Variants in ZNF599 observed in about 807,000 individuals in gnomAD.
ZNF599 encodes the protein zinc finger protein 599.
A neutral mutation model predicts 11.7 loss-of-function variants in ZNF599; 10 were observed. The ratio of observed to expected loss-of-function variants is 0.86; its 90% CI spans 0.53 to 1.45. ZNF599 has a LOEUF of 1.45. Ranked by LOEUF, ZNF599 falls within the 40% of genes most tolerant of loss-of-function variation. ZNF599 has a pLI of 0.00. For synonymous variants in ZNF599, 232 were observed against 253.2 expected, an observed-to-expected ratio of 0.92 and a Z score of 0.79; for missense variants, 688 against 713.6, an observed-to-expected ratio of 0.96 and a Z score of 0.41.
intron 1 of ZNF599, chr19:34,772,488 C>T (rs1015432323): frequency 1.7e-6 from 2 of 1,201,698 alleles, no homozygotes; most frequent in Non-Finnish European, 2.1e-6. Flanking sequence ...AAGACAGGAC[C>T]CACGTCACAA....
At chr19:34,768,007 C>T (rs911464718) in intron 2 of ZNF599, among the ~76,000 whole-genome samples, 9 of 152,146 alleles carry the variant, frequency 5.9e-5, no homozygotes, top group African/African-American at 1.9e-4. Context: ...ACACATTTTG[C>T]CAACTGTGAA....
the ZNF599 span, among the ~76,000 whole-genome samples, chr19:34,787,996 G>A: frequency 3.9e-5 from 6 of 152,162 alleles, no homozygotes; most frequent in South Asian, 1.2e-3. Flanking sequence ...TACTGAATAA[G>A]TATACGCCTT....
the ZNF599 span, among the ~76,000 whole-genome samples, chr19:34,794,612 C>G: frequency 6.6e-6 from 1 of 151,464 alleles, no homozygotes; most frequent in Non-Finnish European, 1.5e-5. Context: ...GCTCTGTCAC[C>G]CAGGCTGGAA....
At chr19:34,781,758 G>T in the ZNF599 span, among the ~76,000 whole-genome samples, 1 of 152,180 alleles carries the variant, frequency 6.6e-6, no homozygotes. Flanking sequence ...AGCCCTAAGG[G>T]TGTGTCCAGG....
chr19:34,776,649 G>A (rs999243460), upstream of ZNF599, among the ~76,000 whole-genome samples: 1 of 152,178 alleles, frequency 6.6e-6, no homozygotes, highest in African/African-American at 2.4e-5. Context: ...GGAATTAGTG[G>A]AGCCCCAAAG....
chr19:34,782,603 C>T, the ZNF599 span, among the ~76,000 whole-genome samples: 1 of 152,280 alleles, frequency 6.6e-6, no homozygotes, highest in East Asian at 1.9e-4. Context: ...CACAGAGGTT[C>T]AGCACCCACA....
the ZNF599 span, among the ~76,000 whole-genome samples, chr19:34,790,580 T>C: frequency 6.6e-6 from 1 of 151,920 alleles, no homozygotes; most frequent in East Asian, 1.9e-4. Flanking sequence ...CTCATAGAAG[T>C]AGAGAGCGGA....
At chr19:34,782,577 A>G in the ZNF599 span, among the ~76,000 whole-genome samples, 1 of 152,196 alleles carries the variant, frequency 6.6e-6, no homozygotes, top group East Asian at 1.9e-4. Context: ...TGGGGAGGGT[A>G]CTGCTCAGAG....
the ZNF599 span, among the ~76,000 whole-genome samples, chr19:34,806,903 T>C: frequency 2.0e-5 from 3 of 152,184 alleles, no homozygotes; most frequent in African/African-American, 7.2e-5. Flanking sequence ...TGACTCTTAG[T>C]AAACCTTTAT....
At chr19:34,765,966 C>T (rs921087489) in intron 3 of ZNF599, among the ~76,000 whole-genome samples, 19 of 151,994 alleles carry the variant, frequency 1.3e-4, no homozygotes, top group African/African-American at 3.1e-4. Context: ...GGTCAAGATT[C>T]GGGGATGGCT....
chr19:34,775,031 A>G (rs1292176663), upstream of ZNF599, among the ~76,000 whole-genome samples: 1 of 152,132 alleles, frequency 6.6e-6, no homozygotes, highest in Non-Finnish European at 1.5e-5. Context: ...TGCTCTCACC[A>G]TGTGCTACAC....
the ZNF599 span, among the ~76,000 whole-genome samples, chr19:34,807,540 T>C: frequency 1.3e-5 from 2 of 152,240 alleles, no homozygotes; most frequent in East Asian, 1.9e-4. Flanking sequence ...CCCAGCCCTC[T>C]GTAGTTTCTG....
chr19:34,790,407 G>T, the ZNF599 span, among the ~76,000 whole-genome samples: 1 of 152,106 alleles, frequency 6.6e-6, no homozygotes, highest in Non-Finnish European at 1.5e-5. Context: ...AATGAATACA[G>T]AAAGACAATG....
At chr19:34,778,697 A>C in the ZNF599 span, among the ~76,000 whole-genome samples, 1 of 152,238 alleles carries the variant, frequency 6.6e-6, no homozygotes, top group African/African-American at 2.4e-5. Context: ...TAAACAGCAC[A>C]AAATTTGAGA....
At chr19:34,784,489 G>C in the ZNF599 span, among the ~76,000 whole-genome samples, 2 of 152,142 alleles carry the variant, frequency 1.3e-5, no homozygotes, top group Non-Finnish European at 2.9e-5. Flanking sequence ...GCTCCCACTG[G>C]CAAGGGCAGC....
the ZNF599 span, among the ~76,000 whole-genome samples, chr19:34,806,284 A>G: frequency 5.7e-4 from 87 of 152,346 alleles, no homozygotes; most frequent in Non-Finnish European, 1.1e-3. Flanking sequence ...TCAGTCCTCA[A>G]TAATGCCTTT....
In ZNF599 at chr19:34,760,562, G is replaced by A; in HGVS notation, c.242-3C>T. The A allele has an allele frequency of 1.3e-6, 2 of 1,585,454 alleles. No individual in the cohort carries two copies. The highest frequency in any genetic ancestry group is 1.7e-6 in the Non-Finnish European group (2 of 1,169,660). ...AATCTTGGGTTTTGCTTTTTCACCT[G>A]AAGGAAATCCAATATAAAAAAAACT... On this transcript the variant is annotated splice_region_variant and splice_polypyrimidine_tract_variant and intron_variant, in intron 3 of 3. Coordinates refer to ENST00000329285, the MANE Select transcript of ZNF599 (RefSeq NM_001007248.3).
chr19:34,767,053 G>A (rs1474511931), intron 3 of ZNF599: 13 of 381,124 alleles, frequency 3.4e-5, no homozygotes, highest in African/African-American at 1.8e-4. Context: ...AAGGCACAGT[G>A]ACGTCACACA....
chr19:34,787,343 C>G, the ZNF599 span, among the ~76,000 whole-genome samples: 19 of 152,158 alleles, frequency 1.2e-4, 1 homozygote, highest in South Asian at 3.9e-3. Context: ...GGATATCTGT[C>G]AAAATATAAA....
Sources: allele counts gnomAD v4.1 joint callset (sites outside exome capture counted in the v4.1 genomes callset), GRCh38; gene constraint gnomAD v4.1.1; transcripts MANE v1.5; gene names NCBI Gene and HGNC (gene_info 2026-07-23, HGNC 2026-07-21).